TTC34: variants seen among roughly 807,000 people sequenced by gnomAD.
TTC34 encodes tetratricopeptide repeat protein 34.
TTC34 carries 44 observed loss-of-function variants against 40.7 expected under a neutral mutation model. The ratio of observed to expected loss-of-function variants is 1.08; its 90% CI spans 0.85 to 1.39. TTC34 has a LOEUF of 1.39. TTC34 is among the 40% of genes most tolerant of loss of function. The pLI, the probability that TTC34 is intolerant of heterozygous loss-of-function variation, is 0.00. For missense variants in TTC34, 884 were observed against 838.0 expected (o/e 1.05, Z -0.68); for synonymous variants, 422 against 398.6 (o/e 1.06, Z -0.70).
chr1:2,780,542 G>A (rs1643465853), intron 6 of TTC34, among the ~76,000 whole-genome samples: 2 of 152,130 alleles, frequency 1.3e-5, no homozygotes, highest in Admixed American at 1.3e-4. Context: ...CCCATTGAAT[G>A]GTCTTGGTCA....
At chr1:2,749,375 C>A (rs1362614482) in intron 6 of TTC34, among the ~76,000 whole-genome samples, 4 of 87,596 alleles carry the variant, frequency 4.6e-5, no homozygotes, top group Admixed American at 2.3e-4. Flanking sequence ...CCAGGTGAGA[C>A]CCTGACAGCC....
At chr1:2,684,920 C>A in intron 6 of TTC34, among the ~76,000 whole-genome samples, 1 of 137,832 alleles carries the variant, frequency 7.3e-6, no homozygotes, top group South Asian at 2.2e-4. Context: ...CCCTGCACAC[C>A]CAGGTGAGCA....
At chr1:2,687,825 T>TG (rs1640434825) in intron 6 of TTC34, among the ~76,000 whole-genome samples, 1 of 110,226 alleles carries the variant, frequency 9.1e-6, no homozygotes, top group African/African-American at 4.1e-5. Flanking sequence ...GAGCATCTGA[T>TG]GGTCTGGAGC....
intron 6 of TTC34, among the ~76,000 whole-genome samples, chr1:2,647,457 T>C (rs1248239388): frequency 6.6e-6 from 1 of 152,136 alleles, no homozygotes; most frequent in Admixed American, 6.5e-5. Flanking sequence ...ACCCCGTCTC[T>C]ACTAAAAATA....
At chr1:2,688,412 C>A (rs1173462511) in intron 6 of TTC34, among the ~76,000 whole-genome samples, 4 of 152,096 alleles carry the variant, frequency 2.6e-5, no homozygotes, top group African/African-American at 9.7e-5. Context: ...ACCCACACCC[C>A]CAGGTGAGCA....
intron 6 of TTC34, among the ~76,000 whole-genome samples, chr1:2,759,401 C>T (rs1238508782): frequency 2.7e-5 from 3 of 109,620 alleles, no homozygotes; most frequent in African/African-American, 1.2e-4. Flanking sequence ...CCCACACCCC[C>T]AGGTGGGCAT....
rs375705240 is a variant in TTC34, at chr1:2,685,832, C to G, written c.2227-40269G>C. Reference sequence around the variant, plus strand: ...GAGCATCTGACAGACTGGAACGGCACCCCCATGCCCAGGTGAGCCTCTGAC... The same window carrying G: ...GAGCATCTGACAGACTGGAACGGCAGCCCCATGCCCAGGTGAGCCTCTGAC... On this transcript the variant is annotated intron_variant, in intron 6 of 8. Coordinates refer to ENST00000401095, the Ensembl canonical transcript of TTC34. Among the ~76,000 whole-genome samples, 118 of 151,744 alleles carry G rather than the reference C, an allele frequency of 7.8e-4. 2 individuals carry two copies. Among genetic ancestry groups the G allele is most frequent in the Non-Finnish European group, 1.3e-3 (87 of 67,794 alleles).
At chr1:2,688,374 A>T (rs2100351187) in intron 6 of TTC34, among the ~76,000 whole-genome samples, 1 of 151,228 alleles carries the variant, frequency 6.6e-6, no homozygotes, top group African/African-American at 2.4e-5. Flanking sequence ...CCACACGCCC[A>T]GGTGAGCATC....
chr1:2,675,241 C>G (rs1386297714), intron 6 of TTC34, among the ~76,000 whole-genome samples: 111 of 146,044 alleles, frequency 7.6e-4, no homozygotes, highest in South Asian at 1.5e-3. Flanking sequence ...GCACCCACAA[C>G]CCCAGGTGAG....
chr1:2,692,096 A>C (rs1415134478), intron 6 of TTC34, among the ~76,000 whole-genome samples: 1,060 of 36,470 alleles, frequency 0.029, no homozygotes, highest in Middle Eastern at 0.088. Context: ...CCTGGAGCAG[A>C]ACCCACACCC....
rs1191104610 is a variant in TTC34, at chr1:2,701,965, C to T, written c.2227-56402G>A. Among the ~76,000 whole-genome samples, 6 of 88,374 alleles carry T rather than the reference C, an allele frequency of 6.8e-5. No individual in the cohort carries two copies. The East Asian group carries it at 1.6e-3, about 24-fold the overall frequency. The allele number at this position is 88,374 out of a possible 152,430, so 58.0% of individuals were successfully genotyped here. ...TGCCCCCAGGTGGGCATTTGACAGC[C>T]TGGGAAAGCACCCTCTACCCACACG... On this transcript the variant is annotated intron_variant, in intron 6 of 8. Coordinates refer to ENST00000401095, the Ensembl canonical transcript of TTC34.
intron 6 of TTC34, among the ~76,000 whole-genome samples, chr1:2,646,196 C>T (rs1033932525): frequency 3.3e-5 from 5 of 152,178 alleles, no homozygotes; most frequent in African/African-American, 4.8e-5. Flanking sequence ...CGTAGCCTTA[C>T]AGCTATGAAC....
intron 6 of TTC34, among the ~76,000 whole-genome samples, chr1:2,755,759 T>C (rs1311079770): frequency 1.5e-5 from 2 of 131,462 alleles, no homozygotes; most frequent in African/African-American, 3.1e-5. Context: ...GGCGAGCATC[T>C]GACAGCCTGG....
chr1:2,752,079 A>G (rs1641338632), intron 6 of TTC34, among the ~76,000 whole-genome samples: 1 of 112,656 alleles, frequency 8.9e-6, no homozygotes, highest in Non-Finnish European at 1.7e-5. Flanking sequence ...CGCACGGAGC[A>G]GCACCCACAC....
chr1:2,683,545 A>T, intron 6 of TTC34, among the ~76,000 whole-genome samples: 1 of 146,140 alleles, frequency 6.8e-6, no homozygotes, highest in East Asian at 2.0e-4. Flanking sequence ...CTGGAGCAGC[A>T]CCCACAACCA....
Position 2,767,961 on chromosome 1 carries a change from AC to A in TTC34, c.2226+15647del, listed in dbSNP as rs1050312771. ...TGGGCATCCGATGGCATGGAACAGC[AC>A]CCCCACTCACAGGTGATGTGACTGC... is the stretch of plus-strand genomic sequence containing the variant. On this transcript the variant is annotated intron_variant, in intron 6 of 8. Transcript: ENST00000401095. Among the ~76,000 whole-genome samples, 8 of 148,262 alleles carry A rather than the reference AC, an allele frequency of 5.4e-5. 1 individual carries two copies. Among genetic ancestry groups the A allele is most frequent in the Non-Finnish European group, 1.2e-4 (8 of 66,976 alleles).
chr1:2,757,584 C>A (rs1453400869), intron 6 of TTC34, among the ~76,000 whole-genome samples: 123 of 66,514 alleles, frequency 1.8e-3, no homozygotes, highest in Middle Eastern at 6.9e-3. Context: ...TGGAGCAGCA[C>A]CCACATCGCC....
rs376632144 is a variant in TTC34 at position 2,792,006 on chromosome 1, CTTTT to C, written c.785-1664_785-1661del. Among the ~76,000 whole-genome samples, 64 of 39,556 alleles carry C rather than the reference CTTTT, an allele frequency of 1.6e-3. 2 individuals are homozygous for C. The highest frequency in any genetic ancestry group is 2.9e-3 in the African/African-American group (35 of 11,984). 26.0% of individuals were successfully genotyped at this position (39,556 alleles called of 152,430 possible). On this transcript the variant is annotated intron_variant, in intron 2 of 8. Transcript: ENST00000401095. ...TGTTCAACTCTAGACTTGCCATATG[CTTTT>C]TTTTTTTTTTTTTTTTTTTTTTTAA... is the stretch of plus-strand genomic sequence containing the variant.
chr1:2,792,033 T>TTTTTTTTTTTTTTTTTTTTTTTTTA (rs1553171534), intron 2 of TTC34, among the ~76,000 whole-genome samples: 2 of 107,166 alleles, frequency 1.9e-5, no homozygotes, highest in African/African-American at 4.0e-5. Flanking sequence ...TTTTTTTTTT[T>TTTTTTTTTTTTTTTTTTTTTTTTTA]AAAGACAGGG....
Sources: gnomAD v4.1 joint callset for allele counts (sites outside exome capture counted in the v4.1 genomes callset) on GRCh38, gnomAD v4.1.1 for gene constraint, MANE v1.5 for transcripts, NCBI Gene and HGNC (gene_info 2026-07-23, HGNC 2026-07-21) for gene names.